Variants in CUL4A observed in about 807,000 individuals in gnomAD.
CUL4A encodes cullin-4A.
In CUL4A, 16 loss-of-function variants were observed where a neutral mutation model predicts 95.5. The ratio of observed to expected loss-of-function variants is 0.17; its 90% confidence interval spans 0.11 to 0.25. The LOEUF is 0.25. CUL4A is among the 10% of genes least tolerant of loss of function. The pLI is 1.00. For synonymous variants in CUL4A, 380 were observed against 353.1 expected (o/e 1.08, Z -0.85); for missense variants, 610 against 937.0 (o/e 0.65, Z 4.56).
At chr13:113,228,125 A>C (rs2041174711) in intron 4 of CUL4A, 80 bp downstream of exon 4, 1 of 1,070,900 alleles carries the variant, frequency 9.3e-7, no homozygotes, top group Non-Finnish European at 1.4e-6. Flanking sequence ...GAGACATAGA[A>C]GTTCTGTTGA....
intron 10 of CUL4A, among the ~76,000 whole-genome samples, chr13:113,242,208 T>C (rs1386439653): frequency 6.6e-6 from 1 of 151,040 alleles, no homozygotes; most frequent in Non-Finnish European, 1.5e-5. Flanking sequence ...GAGGTTGCAG[T>C]GAGCCGAGAT....
chr13:113,219,344 T>G (rs1275563313), intron 3 of CUL4A: 2 of 255,606 alleles, frequency 7.8e-6, no homozygotes, highest in African/African-American at 4.6e-5. Context: ...GCATTGGCTT[T>G]CTGTGATAGG....
At chr13:113,220,871 T>G (rs1467419988) in intron 3 of CUL4A, among the ~76,000 whole-genome samples, 1 of 152,202 alleles carries the variant, frequency 6.6e-6, no homozygotes, top group African/African-American at 2.4e-5. Context: ...GGCAGGGGAA[T>G]TACTGTATTT....
chr13:113,208,715 T>G (rs578227456), upstream of CUL4A: 38 of 1,519,386 alleles, frequency 2.5e-5, no homozygotes, highest in South Asian at 4.1e-4. Flanking sequence ...TCGGTCCGTC[T>G]GGGTCCTGGC....
At chr13:113,215,760 GT>G (rs1343218911) in intron 2 of CUL4A, among the ~76,000 whole-genome samples, 21 of 103,678 alleles carry the variant, frequency 2.0e-4, no homozygotes, top group African/African-American at 6.3e-4. Context: ...AGAGGTCGCT[GT>G]GTGACTATGG....
intron 2 of CUL4A, among the ~76,000 whole-genome samples, chr13:113,210,682 C>G (rs1022999423): frequency 6.6e-6 from 1 of 152,128 alleles, no homozygotes; most frequent in Non-Finnish European, 1.5e-5. Context: ...TTATAAGCGA[C>G]TTTTTTTCTG....
chr13:113,226,046 G>A (rs1392287351), intron 3 of CUL4A, among the ~76,000 whole-genome samples: 1 of 152,174 alleles, frequency 6.6e-6, no homozygotes, highest in Non-Finnish European at 1.5e-5. Context: ...CAAGGACTCA[G>A]ACCCCCCGGG....
At chr13:113,240,398 C>T (rs2041673534) in intron 10 of CUL4A, among the ~76,000 whole-genome samples, 1 of 152,222 alleles carries the variant, frequency 6.6e-6, no homozygotes, top group African/African-American at 2.4e-5. Context: ...CCAGATGCCC[C>T]TCACAGAAAC....
chr13:113,223,133 G>A (rs540212497), intron 3 of CUL4A, among the ~76,000 whole-genome samples: 1 of 152,294 alleles, frequency 6.6e-6, no homozygotes, highest in African/African-American at 2.4e-5. Context: ...AACATGGGGT[G>A]TTTCTGTCCA....
At chr13:113,252,523 C>G (rs1326341273) in intron 15 of CUL4A, among the ~76,000 whole-genome samples, 4 of 152,192 alleles carry the variant, frequency 2.6e-5, no homozygotes, top group Non-Finnish European at 5.9e-5. Context: ...CAGAGCAAGC[C>G]TGTGTTCCAA....
At chr13:113,246,268 T>C (rs1447483230) in intron 15 of CUL4A, among the ~76,000 whole-genome samples, 1 of 152,234 alleles carries the variant, frequency 6.6e-6, no homozygotes, top group African/African-American at 2.4e-5. Context: ...GTGCAGCCTG[T>C]GTCCACCTGC....
chr13:113,208,239 C>T, upstream of CUL4A: 1 of 1,457,364 alleles, frequency 6.9e-7, no homozygotes, highest in Non-Finnish European at 9.0e-7. Flanking sequence ...CGACACAGCA[C>T]CGCCCACAGC....
At chr13:113,238,461 G>A (rs2041614093) in intron 9 of CUL4A, among the ~76,000 whole-genome samples, 2 of 151,770 alleles carry the variant, frequency 1.3e-5, no homozygotes, top group African/African-American at 4.8e-5. Context: ...AAGATTTCAA[G>A]TAAATAGTAG....
intron 18 of CUL4A, among the ~76,000 whole-genome samples, chr13:113,258,665 G>A (rs564351034): frequency 1.3e-5 from 2 of 152,322 alleles, no homozygotes; most frequent in South Asian, 2.1e-4. Context: ...GTTTCTAGGA[G>A]TGTTCAGTCT....
intron 17 of CUL4A, 29 bp downstream of exon 17, chr13:113,254,827 A>G (rs2042080787): frequency 1.3e-6 from 2 of 1,595,746 alleles, no homozygotes; most frequent in Non-Finnish European, 8.6e-7. Context: ...GCATAGCTCC[A>G]TGAGTTGTTC....
chr13:113,237,963 G>A (rs2041598712), intron 9 of CUL4A, among the ~76,000 whole-genome samples: 1 of 152,068 alleles, frequency 6.6e-6, no homozygotes, highest in South Asian at 2.1e-4. Context: ...AGAAAACCAG[G>A]GCTTAAAACA....
intron 18 of CUL4A, among the ~76,000 whole-genome samples, chr13:113,256,913 C>CTTTTTTTTTTCCTTTT (rs1566372467): frequency 1.3e-5 from 1 of 77,886 alleles, no homozygotes; most frequent in Non-Finnish European, 2.4e-5. Context: ...TGCTTTGTCC[C>CTTTTTTTTTTCCTTTT]TTTTTTTTTT....
In CUL4A at chr13:113,263,472, A is replaced by T. The variant is rs772716919; in HGVS notation, c.2185-15A>T. On this transcript the variant is annotated splice_polypyrimidine_tract_variant and intron_variant, in intron 19 of 19. Coordinates refer to ENST00000375440, the MANE Select transcript of CUL4A (RefSeq NM_001008895.4). The stretch of plus-strand genomic sequence containing the variant: ...ATGCCATTGTAATTAGGGGGGTTTT[A>T]TTCTTCTTTTTTAGCCTGGAGATTT... The T allele has an allele frequency of 6.4e-7, 1 of 1,561,430 alleles. No individual in the cohort carries two copies. The highest frequency in any genetic ancestry group is 1.8e-5 in the Admixed American group (1 of 55,892).
chr13:113,256,877 T>A (rs2042132973), intron 18 of CUL4A, among the ~76,000 whole-genome samples: 1 of 151,498 alleles, frequency 6.6e-6, no homozygotes, highest in Non-Finnish European at 1.5e-5. Context: ...GATTAGTAGG[T>A]TTTCTTTATA....
Sources: allele counts gnomAD v4.1 joint callset (sites outside exome capture counted in the v4.1 genomes callset), GRCh38; gene constraint gnomAD v4.1.1; transcripts MANE v1.5; gene names NCBI Gene and HGNC (gene_info 2026-07-23, HGNC 2026-07-21).